The following ZPBP variants were observed in gnomAD, a reference collection of about 807,000 sequenced individuals.
ZPBP encodes zona pellucida-binding protein 1.
Under a neutral mutation model 44.8 loss-of-function variants are expected in ZPBP, and 26 were observed. The observed-to-expected ratio is 0.58, with a 90% CI of 0.43 to 0.81. The LOEUF (loss-of-function observed/expected upper bound fraction) is 0.81, where lower values mean the gene tolerates loss of function less well. Ranked by LOEUF, ZPBP falls within the 30% of genes least tolerant of loss-of-function variation. The pLI, the probability that ZPBP is intolerant of heterozygous loss-of-function variation, is 0.00. For missense variants in ZPBP, 409 were observed against 434.0 expected (o/e 0.94, Z 0.51); for synonymous variants, 174 against 153.2 (o/e 1.14, Z -1.00).
intron 6 of ZPBP, among the ~76,000 whole-genome samples, chr7:50,010,592 T>C (rs761975391): frequency 1.2e-4 from 19 of 152,024 alleles, no homozygotes; most frequent in Non-Finnish European, 2.4e-4. Context: ...CGGACTCAAC[T>C]CCTTTTATAA....
intron 1 of ZPBP, chr7:49,912,044 C>T (rs573196901): frequency 6.2e-7 from 1 of 1,613,424 alleles, no homozygotes; most frequent in African/African-American, 1.3e-5. Context: ...GTCCAAACTG[C>T]TTTGCAGAAA....
intron 7 of ZPBP, among the ~76,000 whole-genome samples, chr7:49,974,793 A>T (rs1796433188): frequency 3.1e-3 from 1 of 322 alleles, no homozygotes; most frequent in Non-Finnish European, 6.4e-3. Flanking sequence ...TGTAGTCTCA[A>T]ACTACTTTCT....
chr7:49,880,888 G>A (rs908936604), intron 2 of ZPBP, among the ~76,000 whole-genome samples: 2 of 152,078 alleles, frequency 1.3e-5, no homozygotes, highest in Non-Finnish European at 2.9e-5. Flanking sequence ...AGGATTAAAG[G>A]TTCTCTTACA....
intron 1 of ZPBP, among the ~76,000 whole-genome samples, chr7:49,925,014 A>C (rs1794178907): frequency 6.6e-6 from 1 of 152,232 alleles, no homozygotes; most frequent in African/African-American, 2.4e-5. Context: ...ACAACTACCT[A>C]CCTCTGATTT....
At chr7:49,885,836 T>G (rs541690205) in intron 2 of ZPBP, among the ~76,000 whole-genome samples, 1 of 152,376 alleles carries the variant, frequency 6.6e-6, no homozygotes, top group African/African-American at 2.4e-5. Flanking sequence ...AAGCAGCAGC[T>G]GGCCGCTGCA....
chr7:49,924,432 CA>C (rs1794150264), intron 1 of ZPBP, among the ~76,000 whole-genome samples: 1 of 152,104 alleles, frequency 6.6e-6, no homozygotes, highest in African/African-American at 2.4e-5. Context: ...CATTATAAAG[CA>C]TTGACATCAC....
In ZPBP at chr7:50,031,235, ATAT is replaced by A; in HGVS notation, c.560_562del (p.Asn187del). On this transcript the variant is annotated inframe_deletion, in exon 5 of 8. Transcript: ENST00000046087. ...CTGAAGAAGTTTCTTCTCAAAAGAA[ATAT>A]TATAAATGCTATTGCAGGGAGCTGC... 6.2e-7 allele frequency: 1 copy of A among 1,613,092 alleles called. No individual in the cohort carries two copies. The highest frequency in any genetic ancestry group is 8.5e-7 in the Non-Finnish European group (1 of 1,179,830).
At chr7:50,046,567 C>T (rs1398142510) in intron 4 of ZPBP, among the ~76,000 whole-genome samples, 1 of 151,992 alleles carries the variant, frequency 6.6e-6, no homozygotes, top group Admixed American at 6.6e-5. Flanking sequence ...CTGGTCATTA[C>T]AGAAATGCAA....
chr7:49,943,121 T>C, intron 7 of ZPBP: 1 of 333,452 alleles, frequency 3.0e-6, no homozygotes, highest in African/African-American at 2.2e-5. Context: ...AGTCAGTAAG[T>C]CAGTAAGTTA....
chr7:50,067,217 T>C (rs1256675294), intron 3 of ZPBP, among the ~76,000 whole-genome samples: 2 of 152,174 alleles, frequency 1.3e-5, no homozygotes, highest in Admixed American at 6.5e-5. Context: ...TTTTAGCCTT[T>C]AGTGTTCTTG....
In ZPBP at chr7:49,852,865, G is replaced by A. The variant is rs138444660; in HGVS notation, n.510-2351C>T. 3.2e-3 allele frequency among the ~76,000 whole-genome samples: 491 copies of A among 152,326 alleles called. 6 individuals are homozygous for A. The highest frequency in any genetic ancestry group is 0.011 in the African/African-American group (457 of 41,562). ...GTGACTGGCTCCTTGAACTACAGTT[G>A]CAGATGGAAACTGGCTTCTGTAAAG... On this transcript the variant is annotated intron_variant and non_coding_transcript_variant, in intron 2 of 2. Transcript: ENST00000465922.
intron 2 of ZPBP, among the ~76,000 whole-genome samples, chr7:49,852,810 T>G (rs910131538): frequency 3.3e-5 from 5 of 152,232 alleles, no homozygotes; most frequent in Non-Finnish European, 7.3e-5. Flanking sequence ...GAGGAACATT[T>G]GGCCATGACT....
intron 4 of ZPBP, among the ~76,000 whole-genome samples, chr7:50,049,930 A>G (rs1012099589): frequency 1.3e-5 from 2 of 152,036 alleles, no homozygotes. Flanking sequence ...GTATTGTTAC[A>G]TGACTTTGAC....
chr7:50,033,450 TG>T (rs1318662680), intron 4 of ZPBP, among the ~76,000 whole-genome samples: 2 of 152,050 alleles, frequency 1.3e-5, no homozygotes, highest in Non-Finnish European at 2.9e-5. Context: ...TTACTAGCCT[TG>T]TGGTAAGTAA....
At chr7:50,023,105 C>T (rs1249957911) in intron 5 of ZPBP, among the ~76,000 whole-genome samples, 2 of 151,984 alleles carry the variant, frequency 1.3e-5, no homozygotes, top group African/African-American at 4.8e-5. Context: ...TTGGAAACCC[C>T]GCCTCAAGAG....
intron 4 of ZPBP, among the ~76,000 whole-genome samples, chr7:50,032,638 C>T (rs1211199554): frequency 6.6e-6 from 1 of 152,162 alleles, no homozygotes; most frequent in Non-Finnish European, 1.5e-5. Context: ...AAACACCTCC[C>T]TACACAGTCA....
chr7:49,861,793 T>C (rs1171282787), intron 2 of ZPBP, among the ~76,000 whole-genome samples: 1 of 152,222 alleles, frequency 6.6e-6, no homozygotes, highest in African/African-American at 2.4e-5. Context: ...TTGTCAAAAA[T>C]CAGTTGGATG....
intron 6 of ZPBP, among the ~76,000 whole-genome samples, chr7:50,007,370 C>T (rs1028101832): frequency 1.3e-5 from 2 of 151,928 alleles, no homozygotes; most frequent in African/African-American, 2.4e-5. Context: ...AGACCTGTAA[C>T]TAGTAAGGAA....
chr7:49,978,544 A>G (rs916728340), intron 7 of ZPBP, among the ~76,000 whole-genome samples: 6 of 152,110 alleles, frequency 3.9e-5, no homozygotes, highest in Admixed American at 6.5e-5. Flanking sequence ...GAAAGTAAAC[A>G]AACTTCCCTT....
Sources: allele counts gnomAD v4.1 joint callset (sites outside exome capture counted in the v4.1 genomes callset), GRCh38; gene constraint gnomAD v4.1.1; transcripts MANE v1.5; gene names NCBI Gene and HGNC (gene_info 2026-07-23, HGNC 2026-07-21).